Variants in ANK3 observed in about 807,000 individuals in gnomAD.
ANK3 encodes the protein ankyrin-3.
In ANK3, 57 loss-of-function variants were observed where a neutral mutation model predicts 370.9. The ratio of observed to expected loss-of-function variants is 0.15; its 90% CI spans 0.12 to 0.19. ANK3 has a LOEUF of 0.19. ANK3 is among the 10% of genes least tolerant of loss of function. The pLI is 1.00. For synonymous variants in ANK3, 1,929 were observed against 1,946.3 expected, an observed-to-expected ratio of 0.99 and a Z score of 0.23; for missense variants, 4,439 against 5,302.1, an observed-to-expected ratio of 0.84 and a Z score of 5.06.
chr10:60,637,922 G>A (rs989540468), intron 1 of ANK3, among the ~76,000 whole-genome samples: 7 of 152,128 alleles, frequency 4.6e-5, no homozygotes, highest in African/African-American at 1.4e-4. Flanking sequence ...GAAGAGGGAG[G>A]AGTGAGTTCA....
rs567539365 is a variant in ANK3 at position 60,657,181 on chromosome 10, G to A, written c.58-41957C>T. ...CCTCTTCATAAAACCATTAGATCTC[G>A]TGAGACTTATTCACTATCACCAGAA... On this transcript the variant is annotated intron_variant, in intron 1 of 43. Transcript: ENST00000373827. Among the ~76,000 whole-genome samples, 24 of 152,240 alleles carry A rather than the reference G, an allele frequency of 1.6e-4. No homozygotes were observed. In the East Asian group the frequency reaches 2.1e-3, roughly 13 times the overall value.
rs555113453 is a variant in ANK3, at chr10:60,126,451, A to G, written c.2841+7820T>C. On this transcript the variant is annotated intron_variant, in intron 25 of 43. Transcript: ENST00000280772. Reference sequence around the variant, plus strand: ...CTGTAATCTCAGCACTTTGGGAGGCAGAGGCGGGTGGATCACATGAGGCCA... The same window carrying G: ...CTGTAATCTCAGCACTTTGGGAGGCGGAGGCGGGTGGATCACATGAGGCCA... Among the ~76,000 whole-genome samples, 3 of 152,206 alleles carry G rather than the reference A, an allele frequency of 2.0e-5. No individual in the cohort carries two copies. In the East Asian group the frequency reaches 5.8e-4, roughly 29 times the overall value.
intron 1 of ANK3, among the ~76,000 whole-genome samples, chr10:60,707,460 T>C (rs2079636457): frequency 6.6e-6 from 1 of 151,994 alleles, no homozygotes; most frequent in Admixed American, 6.6e-5. Flanking sequence ...AAATCTAAAA[T>C]CATCAAGAGA....
intron 7 of ANK3, among the ~76,000 whole-genome samples, chr10:60,260,948 C>T (rs763886192): frequency 6.6e-6 from 1 of 152,310 alleles, no homozygotes; most frequent in African/African-American, 2.4e-5. Flanking sequence ...CAGACTAATA[C>T]ACTACTGCCG....
chr10:60,342,601 C>T (rs377556537), intron 1 of ANK3, among the ~76,000 whole-genome samples: 27 of 152,174 alleles, frequency 1.8e-4, no homozygotes, highest in African/African-American at 4.1e-4. Flanking sequence ...GAAACTAATA[C>T]GGTAGCTGAG....
chr10:60,347,611 A>C (rs984245578), intron 1 of ANK3, among the ~76,000 whole-genome samples: 1 of 152,100 alleles, frequency 6.6e-6, no homozygotes, highest in Non-Finnish European at 1.5e-5. Flanking sequence ...AAAGTGCCTG[A>C]CACTCAATAA....
chr10:60,299,984 A>G (rs2043328535), intron 1 of ANK3, among the ~76,000 whole-genome samples: 1 of 152,162 alleles, frequency 6.6e-6, no homozygotes, highest in Non-Finnish European at 1.5e-5. Flanking sequence ...GCAACCATAT[A>G]AACCTTTTTA....
intron 2 of ANK3, among the ~76,000 whole-genome samples, chr10:60,595,605 CTGTG>C (rs2077977267): frequency 6.6e-6 from 1 of 152,108 alleles, no homozygotes; most frequent in Admixed American, 6.6e-5. Context: ...CGGTCTCTGG[CTGTG>C]TGACTCCTGA....
At chr10:60,236,949 G>A (rs2097342843) in intron 7 of ANK3, among the ~76,000 whole-genome samples, 1 of 152,216 alleles carries the variant, frequency 6.6e-6, no homozygotes, top group Admixed American at 6.5e-5. Flanking sequence ...AGAAATGGGA[G>A]CGGTTGTGTT....
At chr10:60,145,431 T>C (rs10821688) in intron 23 of ANK3, among the ~76,000 whole-genome samples, 124,575 of 152,088 alleles carry the variant, frequency 0.82, 52,724 homozygotes, top group Non-Finnish European at 0.94. Flanking sequence ...AGAGAGGAAA[T>C]GAAAACTATT....
At chr10:60,287,132 T>A (rs898911105) in intron 1 of ANK3, among the ~76,000 whole-genome samples, 4 of 152,178 alleles carry the variant, frequency 2.6e-5, no homozygotes, top group Non-Finnish European at 2.9e-5. Context: ...ACCTTGGGCA[T>A]GTCCTAGGCT....
At chr10:60,424,485 C>T (rs1274406638) in intron 2 of ANK3, among the ~76,000 whole-genome samples, 3 of 151,862 alleles carry the variant, frequency 2.0e-5, no homozygotes, top group East Asian at 1.9e-4. Context: ...GAAGGGCATA[C>T]GAAGAAAATT....
chr10:60,473,518 C>T (rs1157021951), intron 2 of ANK3, among the ~76,000 whole-genome samples: 1 of 152,100 alleles, frequency 6.6e-6, no homozygotes, highest in African/African-American at 2.4e-5. Flanking sequence ...CAATAATGCG[C>T]ATCTCAAATG....
chr10:60,534,475 G>T (rs2076678614), intron 2 of ANK3, among the ~76,000 whole-genome samples: 1 of 152,068 alleles, frequency 6.6e-6, no homozygotes, highest in African/African-American at 2.4e-5. Context: ...ATAAGTCAAA[G>T]AATTCTTCAG....
chr10:60,374,784 T>C (rs765730334), intron 1 of ANK3, among the ~76,000 whole-genome samples: 14 of 152,168 alleles, frequency 9.2e-5, no homozygotes, highest in Non-Finnish European at 1.5e-4. Flanking sequence ...AAACTGAATA[T>C]AGAAAAATAA....
At chr10:60,681,981 A>G (rs1275881705) in intron 1 of ANK3, among the ~76,000 whole-genome samples, 4 of 152,222 alleles carry the variant, frequency 2.6e-5, no homozygotes, top group Non-Finnish European at 5.9e-5. Context: ...GCAAGACTCC[A>G]TCTCTACAAA....
chr10:60,474,376 A>G (rs1239551260), intron 2 of ANK3, among the ~76,000 whole-genome samples: 1 of 152,098 alleles, frequency 6.6e-6, no homozygotes, highest in Admixed American at 6.6e-5. Flanking sequence ...GGGCAGGACC[A>G]ACATTCTTTA....
chr10:60,176,405 A>C (rs2095956637), intron 18 of ANK3, among the ~76,000 whole-genome samples: 1 of 151,662 alleles, frequency 6.6e-6, no homozygotes, highest in Non-Finnish European at 1.5e-5. Context: ...AAAACCAGAA[A>C]GAAAAAGAAA....
At chr10:60,599,142 G>A (rs187939999) in intron 2 of ANK3, among the ~76,000 whole-genome samples, 39 of 152,048 alleles carry the variant, frequency 2.6e-4, no homozygotes, top group Admixed American at 2.5e-3. Context: ...TGTCACCCAG[G>A]CAGGTCTCAA....
Sources: allele counts gnomAD v4.1 joint callset (sites outside exome capture counted in the v4.1 genomes callset), GRCh38; gene constraint gnomAD v4.1.1; transcripts MANE v1.5; gene names NCBI Gene and HGNC (gene_info 2026-07-23, HGNC 2026-07-21).